The following ADAMTS14 variants were observed in gnomAD, a reference collection of about 807,000 sequenced individuals.
ADAMTS14 encodes A disintegrin and metalloproteinase with thrombospondin motifs 14.
In ADAMTS14, 100 loss-of-function variants were observed where a neutral mutation model predicts 128.6. The ratio of observed to expected loss-of-function variants is 0.78; its 90% confidence interval spans 0.66 to 0.92. The LOEUF is 0.92. Among genes scored for constraint, ADAMTS14 ranks in the 40% least tolerant of loss-of-function variants. The pLI is 0.00. For missense variants in ADAMTS14, 1,562 were observed against 1,658.6 expected, an observed-to-expected ratio of 0.94 and a Z score of 1.01; for synonymous variants, 665 against 653.8, an observed-to-expected ratio of 1.02 and a Z score of -0.26.
At chr10:70,702,042 C>A (rs1327151217) in intron 2 of ADAMTS14, among the ~76,000 whole-genome samples, 3 of 152,112 alleles carry the variant, frequency 2.0e-5, no homozygotes, top group Non-Finnish European at 4.4e-5. Flanking sequence ...TTATGTAGAG[C>A]CCCATGGATA....
intron 2 of ADAMTS14, among the ~76,000 whole-genome samples, chr10:70,688,067 C>T (rs2132555090): frequency 4.0e-5 from 2 of 50,254 alleles, no homozygotes; most frequent in East Asian, 2.8e-3. Flanking sequence ...CCTCACTTCT[C>T]AGACGGGGCA....
intron 5 of ADAMTS14, among the ~76,000 whole-genome samples, chr10:70,729,776 G>T (rs1263580723): frequency 6.6e-6 from 1 of 152,172 alleles, no homozygotes; most frequent in East Asian, 1.9e-4. Flanking sequence ...CTATTGTGAA[G>T]ATTAAATAAA....
intron 2 of ADAMTS14, among the ~76,000 whole-genome samples, chr10:70,700,840 A>C (rs1208047662): frequency 2.0e-5 from 3 of 152,216 alleles, no homozygotes; most frequent in African/African-American, 7.2e-5. Flanking sequence ...GGAGGCACAC[A>C]GTAGGTATAA....
intron 4 of ADAMTS14, among the ~76,000 whole-genome samples, chr10:70,710,046 G>A (rs1363718879): frequency 2.6e-5 from 4 of 152,342 alleles, no homozygotes; most frequent in African/African-American, 9.6e-5. Flanking sequence ...GTGCAGGCAG[G>A]GGCCAGATGC....
chr10:70,740,382 A>G (rs893352291), intron 11 of ADAMTS14, among the ~76,000 whole-genome samples: 14 of 152,206 alleles, frequency 9.2e-5, no homozygotes, highest in African/African-American at 3.4e-4. Context: ...TTTTCTTACT[A>G]TTCTTCACAG....
At chr10:70,728,869 G>C (rs1242466075) in intron 4 of ADAMTS14, among the ~76,000 whole-genome samples, 1 of 152,234 alleles carries the variant, frequency 6.6e-6, no homozygotes, top group Non-Finnish European at 1.5e-5. Flanking sequence ...GGGTACTGTA[G>C]GGCAGACATT....
chr10:70,723,401 A>G (rs922374486), intron 4 of ADAMTS14, among the ~76,000 whole-genome samples: 1 of 152,230 alleles, frequency 6.6e-6, no homozygotes, highest in African/African-American at 2.4e-5. Context: ...TAATAACAGC[A>G]TGTCAGTATT....
intron 19 of ADAMTS14, 86 bp from the exon 20 acceptor site, chr10:70,757,876 G>A: frequency 6.7e-7 from 1 of 1,503,552 alleles, no homozygotes; most frequent in Non-Finnish European, 8.8e-7. Context: ...GGCACTGGCT[G>A]GGCTCTGAGC....
chr10:70,745,069 G>A (rs1018565263), intron 14 of ADAMTS14, among the ~76,000 whole-genome samples, 157 bp from the exon 15 acceptor site: 6 of 152,160 alleles, frequency 3.9e-5, no homozygotes, highest in Non-Finnish European at 8.8e-5. Context: ...CATGGAGAAG[G>A]TCTCATCCTC....
Position 70,743,550 on chromosome 10 carries a change from G to T in ADAMTS14, c.1927G>T (p.Ala643Ser). ...CAGCATAGTCCCTCTCCCTACAGAC[G>T]CCCAGAAGTGTGAGCTGATCTGCCA... Reference protein sequence around the residue: ...SWVPYEPDDDAQKCELICQSA... With the variant: ...SWVPYEPDDDSQKCELICQSA... Residue 643 changes from alanine to serine, a missense_variant and splice_region_variant, in exon 13 of 22, where the codon GCC (alanine) becomes TCC (serine). Ala to Ser is a moderately conservative substitution (Grantham distance 99). Coordinates refer to ENST00000373207, the MANE Select transcript of ADAMTS14 (RefSeq NM_080722.4). 1.2e-6 allele frequency: 2 copies of T among 1,612,320 alleles called. No homozygotes were observed. Among genetic ancestry groups the T allele is most frequent in the East Asian group, 2.2e-5 (1 of 44,818 alleles).
chr10:70,721,603 G>C (rs1341475348), intron 4 of ADAMTS14, among the ~76,000 whole-genome samples: 3 of 152,010 alleles, frequency 2.0e-5, no homozygotes, highest in African/African-American at 7.3e-5. Flanking sequence ...TAGCCAGGAT[G>C]GTCTCAGTCT....
In ADAMTS14 at chr10:70,761,312, C is replaced by G. The variant is rs1248540434; in HGVS notation, c.*459C>G. 1 of 157,194 alleles carries G rather than the reference C, an allele frequency of 6.4e-6. No homozygotes were observed. Among genetic ancestry groups the G allele is most frequent in the Non-Finnish European group, 1.4e-5 (1 of 71,258 alleles). 9.7% of individuals were successfully genotyped at this position (157,194 alleles called of 1,614,324 possible). On this transcript the variant is annotated 3_prime_UTR_variant, in exon 22 of 22. Coordinates refer to ENST00000373207, the MANE Select transcript of ADAMTS14 (RefSeq NM_080722.4). ...AAGCAGGGCCAGGGTAGGTGGGGGA[C>G]TGTTCACAGCCAGGCCGAGAGGAGG... is the stretch of plus-strand genomic sequence containing the variant.
rs182226474 is a variant in ADAMTS14 at position 70,675,191 on chromosome 10, A to G, written c.522+196A>G. Among the ~76,000 whole-genome samples, 406 of 152,200 alleles carry G rather than the reference A, an allele frequency of 2.7e-3. 2 individuals carry two copies. Among genetic ancestry groups the G allele is most frequent in the Middle Eastern group, 0.01 (3 of 294 alleles). On this transcript the variant is annotated intron_variant, in intron 2 of 21. Coordinates refer to ENST00000373207, the MANE Select transcript of ADAMTS14 (RefSeq NM_080722.4). ...GGTGTGAAGTGGCCAAGTTGGGATG[A>G]TGTTCACCCCTCGCCTTCCATGGAC...
chr10:70,756,899 T>G, intron 19 of ADAMTS14, among the ~76,000 whole-genome samples: 1 of 152,178 alleles, frequency 6.6e-6, no homozygotes, highest in East Asian at 1.9e-4. Flanking sequence ...ATTCATATAA[T>G]CAACTTTCAC....
rs1365666338 is a variant in ADAMTS14, at chr10:70,736,702, A to G, written c.1508A>G (p.Lys503Arg). 1 of 1,613,884 alleles carries G rather than the reference A, an allele frequency of 6.2e-7. No individual in the cohort carries two copies. The highest frequency in any genetic ancestry group is 1.7e-5 in the Admixed American group (1 of 60,002). Residue 503 changes from lysine (K) to arginine (R), a missense_variant, in exon 10 of 22, where the codon AAG becomes AGG. Transcript: ENST00000373207. ...CLAFRTFEPC[K>R]QLWCSHPDNP... ...CAGTTCAGGACCTTTGAGCCCTGCA[A>G]GCAGCTGTGGTGCAGCCATCCTGAC...
In ADAMTS14 at chr10:70,672,772, G is replaced by T. The variant is rs1347714520; in HGVS notation, c.-31G>T. Reference sequence around the variant, plus strand: ...TCAGCCTGGGACTTGGGGATCGGGCGCTTGCCCAGCCCGCGTCCCAGCGCG... The same window carrying T: ...TCAGCCTGGGACTTGGGGATCGGGCTCTTGCCCAGCCCGCGTCCCAGCGCG... On this transcript the variant is annotated 5_prime_UTR_variant, in exon 1 of 22. Coordinates refer to ENST00000373207, the MANE Select transcript of ADAMTS14 (RefSeq NM_080722.4). The T allele has an allele frequency of 6.7e-7, 1 of 1,491,094 alleles. No individual in the cohort carries two copies. Among genetic ancestry groups the T allele is most frequent in the Non-Finnish European group, 8.9e-7 (1 of 1,125,230 alleles). The allele number at this position is 1,491,094 out of a possible 1,614,324, so 92.4% of individuals were successfully genotyped here.
At chr10:70,737,717 T>A (rs1347838146) in intron 10 of ADAMTS14, among the ~76,000 whole-genome samples, 1 of 152,112 alleles carries the variant, frequency 6.6e-6, no homozygotes, top group East Asian at 1.9e-4. Context: ...ACTTCTTAAG[T>A]TTTCCCAGGT....
At chr10:70,736,827 C>T in intron 10 of ADAMTS14, 34 bp downstream of exon 10, 2 of 1,594,758 alleles carry the variant, frequency 1.3e-6, no homozygotes, top group Non-Finnish European at 1.7e-6. Flanking sequence ...AGTGGCCTTC[C>T]TGGGGTGCAG....
intron 6 of ADAMTS14, 125 bp downstream of exon 6, chr10:70,730,374 C>G: frequency 7.6e-7 from 1 of 1,311,692 alleles, no homozygotes; most frequent in Non-Finnish European, 1.0e-6. Flanking sequence ...AGGGATGGGA[C>G]CTGGACAGCC....
Sources: allele counts gnomAD v4.1 joint callset (sites outside exome capture counted in the v4.1 genomes callset), GRCh38; gene constraint gnomAD v4.1.1; transcripts MANE v1.5; gene names NCBI Gene and HGNC (gene_info 2026-07-23, HGNC 2026-07-21).